Variants in CNTN4 observed in about 807,000 individuals in gnomAD.
CNTN4 encodes contactin 4, also known as contactin-4.
In CNTN4, 77 loss-of-function variants were observed where a neutral mutation model predicts 122.5. The observed-to-expected ratio is 0.63, with a 90% CI of 0.52 to 0.76. CNTN4 has a LOEUF of 0.76. Among genes scored for constraint, CNTN4 ranks in the 30% least tolerant of loss-of-function variants. The pLI, the probability that CNTN4 is intolerant of heterozygous loss-of-function variation, is 0.00. For synonymous variants in CNTN4, 512 were observed against 447.0 expected (o/e 1.15, Z -1.83); for missense variants, 1,256 against 1,259.1 (o/e 1.00, Z 0.04).
rs76309265 is a variant in CNTN4 at position 2,700,476 on chromosome 3, A to C, written c.56-35739A>C. ...ATTTCCAACAATGCAAAAATGTTGA[A>C]TCTTAGACTAGAGGCTCTTTGACCT... On this transcript the variant is annotated intron_variant, in intron 4 of 24. Transcript: ENST00000418658. Among the ~76,000 whole-genome samples the C allele has an allele frequency of 5.1e-4, 77 of 152,284 alleles. 2 individuals are homozygous for C. In the East Asian group the frequency reaches 0.014, roughly 27 times the overall value.
intron 4 of CNTN4, among the ~76,000 whole-genome samples, chr3:2,642,170 A>G (rs2082923592): frequency 1.3e-5 from 2 of 152,228 alleles, no homozygotes; most frequent in African/African-American, 2.4e-5. Context: ...TGCAGCCTTC[A>G]GTCTATGGTT....
At chr3:2,949,026 G>A (rs1356544278) in intron 13 of CNTN4, among the ~76,000 whole-genome samples, 2 of 151,894 alleles carry the variant, frequency 1.3e-5, no homozygotes, top group African/African-American at 2.4e-5. Context: ...ACATAGCCAG[G>A]CCCCTACTTA....
At chr3:2,953,244 C>T (rs1398909914) in intron 13 of CNTN4, among the ~76,000 whole-genome samples, 2 of 152,190 alleles carry the variant, frequency 1.3e-5, no homozygotes. Context: ...CCAAGCTCCC[C>T]TAACTGGTAG....
intron 6 of CNTN4, among the ~76,000 whole-genome samples, chr3:2,801,916 T>G (rs2092357419): frequency 6.6e-6 from 1 of 152,356 alleles, no homozygotes; most frequent in Admixed American, 6.5e-5. Context: ...CTGAGATGTT[T>G]TCTTAATCAA....
intron 3 of CNTN4, among the ~76,000 whole-genome samples, chr3:2,521,343 T>TCGCCCAA (rs781282977): frequency 3.1e-5 from 4 of 128,310 alleles, no homozygotes; most frequent in African/African-American, 9.4e-5. Flanking sequence ...CCTCTACCCA[T>TCGCCCAA]CCCCCCCACC....
chr3:2,352,242 A>G (rs1031694762), intron 3 of CNTN4, among the ~76,000 whole-genome samples: 1 of 152,124 alleles, frequency 6.6e-6, no homozygotes, highest in Non-Finnish European at 1.5e-5. Flanking sequence ...ATGTGCTAGC[A>G]GCCCTCGCTC....
chr3:2,881,115 A>C (rs1255467716), intron 8 of CNTN4, among the ~76,000 whole-genome samples: 1 of 152,206 alleles, frequency 6.6e-6, no homozygotes, highest in East Asian at 1.9e-4. Flanking sequence ...CTTTATAGCA[A>C]AGTTAGCTAG....
chr3:2,624,422 G>T (rs2149964963), intron 4 of CNTN4, among the ~76,000 whole-genome samples: 1 of 152,076 alleles, frequency 6.6e-6, no homozygotes, highest in East Asian at 1.9e-4. Context: ...CCACAAGTCA[G>T]CATCTACCAT....
intron 2 of CNTN4, among the ~76,000 whole-genome samples, chr3:2,286,244 C>CA (rs1553615960): frequency 6.5e-4 from 90 of 139,286 alleles, no homozygotes; most frequent in African/African-American, 2.2e-3. Context: ...CTGCCCCCCC[C>CA]ACAACATACA....
chr3:2,294,489 G>C (rs1473441974), intron 2 of CNTN4, among the ~76,000 whole-genome samples: 3 of 151,920 alleles, frequency 2.0e-5, no homozygotes, highest in Non-Finnish European at 4.4e-5. Flanking sequence ...AAAATTGCTG[G>C]GCATGGTGGC....
At chr3:2,454,709 G>A (rs1473826965) in intron 3 of CNTN4, among the ~76,000 whole-genome samples, 3 of 139,608 alleles carry the variant, frequency 2.1e-5, no homozygotes, top group African/African-American at 5.4e-5. Flanking sequence ...CAAAGTCTAC[G>A]TGCTTGTTTC....
At chr3:2,305,003 G>T (rs923196510) in intron 2 of CNTN4, among the ~76,000 whole-genome samples, 1 of 151,508 alleles carries the variant, frequency 6.6e-6, no homozygotes, top group African/African-American at 2.4e-5. Flanking sequence ...TAATAATAAG[G>T]GTGTTAAAAA....
intron 4 of CNTN4, among the ~76,000 whole-genome samples, chr3:2,699,518 G>A (rs2086239275): frequency 6.6e-6 from 1 of 152,200 alleles, no homozygotes; most frequent in African/African-American, 2.4e-5. Context: ...GTCTTCTTTG[G>A]TTGATTTCAG....
rs566000080 is a variant in CNTN4, at chr3:2,253,073, G to A, written c.-144-86105G>A. 2.9e-4 allele frequency among the ~76,000 whole-genome samples: 44 copies of A among 152,076 alleles called. No homozygotes were observed. In the South Asian group the frequency reaches 9.1e-3, roughly 32 times the overall value. ...ATAAATGGCCACTGCAAGTAGTTTAGGAGCCAAAGAGCATTCCTGCAATCT... is the reference window on the plus strand; with the variant it reads ...ATAAATGGCCACTGCAAGTAGTTTAAGAGCCAAAGAGCATTCCTGCAATCT... On this transcript the variant is annotated intron_variant, in intron 2 of 24. Coordinates refer to ENST00000418658, the MANE Select transcript of CNTN4 (RefSeq NM_175607.3).
intron 2 of CNTN4, among the ~76,000 whole-genome samples, chr3:2,319,762 C>T (rs1171739281): frequency 6.6e-6 from 1 of 152,108 alleles, no homozygotes; most frequent in Non-Finnish European, 1.5e-5. Context: ...CAAAATTAAA[C>T]ACCGATTTTT....
At chr3:2,678,009 C>T (rs2084964410) in intron 4 of CNTN4, among the ~76,000 whole-genome samples, 1 of 152,036 alleles carries the variant, frequency 6.6e-6, no homozygotes, top group African/African-American at 2.4e-5. Context: ...ATGTGTTTTC[C>T]TCCCAGCAAA....
At chr3:2,433,281 T>G (rs2048143169) in intron 3 of CNTN4, among the ~76,000 whole-genome samples, 1 of 152,330 alleles carries the variant, frequency 6.6e-6, no homozygotes, top group African/African-American at 2.4e-5. Context: ...GGTTTCCCTT[T>G]CTCCACACCT....
chr3:2,624,627 CTTTTTT>C (rs1175851279), intron 4 of CNTN4, among the ~76,000 whole-genome samples: 2 of 89,940 alleles, frequency 2.2e-5, no homozygotes, highest in African/African-American at 4.3e-5. Context: ...ATTTCTGATT[CTTTTTT>C]TTTTTTTTTT....
chr3:2,844,852 C>G (rs767297790), intron 7 of CNTN4, among the ~76,000 whole-genome samples: 4 of 152,178 alleles, frequency 2.6e-5, no homozygotes, highest in African/African-American at 4.8e-5. Flanking sequence ...GATAAACAGT[C>G]TCTTCATTCC....
Sources: gnomAD v4.1 joint callset for allele counts (sites outside exome capture counted in the v4.1 genomes callset) on GRCh38, gnomAD v4.1.1 for gene constraint, MANE v1.5 for transcripts, NCBI Gene and HGNC (gene_info 2026-07-23, HGNC 2026-07-21) for gene names.